Variants in GALNT9 observed in about 807,000 individuals in gnomAD.
GALNT9 encodes polypeptide N-acetylgalactosaminyltransferase 9.
In GALNT9, 47 loss-of-function variants were observed where a neutral mutation model predicts 63.1. The ratio of observed to expected loss-of-function variants is 0.75; its 90% CI spans 0.59 to 0.95. GALNT9 has a LOEUF of 0.95. GALNT9 is among the 40% of genes least tolerant of loss of function. The pLI is 0.00. For missense variants in GALNT9, 829 were observed against 874.8 expected (o/e 0.95, Z 0.66); for synonymous variants, 396 against 365.7 (o/e 1.08, Z -0.94).
chr12:132,263,217 AT>A (rs1207124074), intron 2 of GALNT9, among the ~76,000 whole-genome samples: 4 of 152,194 alleles, frequency 2.6e-5, no homozygotes, highest in Non-Finnish European at 5.9e-5. Context: ...TCTGGTGAGA[AT>A]TTCAAAGGGA....
intron 6 of GALNT9, among the ~76,000 whole-genome samples, chr12:132,226,151 A>G (rs1331423602): frequency 1.4e-5 from 2 of 138,620 alleles, no homozygotes; most frequent in Non-Finnish European, 3.1e-5. Flanking sequence ...CACACCCCAC[A>G]CATACACCCC....
intron 9 of GALNT9, among the ~76,000 whole-genome samples, 162 bp from the exon 10 acceptor site, chr12:132,198,121 C>T (rs941173761): frequency 2.6e-5 from 4 of 152,228 alleles, no homozygotes; most frequent in Admixed American, 1.3e-4. Context: ...AGAGGACCGC[C>T]GGGCAGGGCC....
At chr12:132,264,264 G>A (rs1210296187) in intron 2 of GALNT9, among the ~76,000 whole-genome samples, 1 of 152,210 alleles carries the variant, frequency 6.6e-6, no homozygotes, top group Non-Finnish European at 1.5e-5. Flanking sequence ...CCCCCGGGAC[G>A]CTGGCCACGC....
At chr12:132,220,381 G>A (rs930360523) in intron 6 of GALNT9, among the ~76,000 whole-genome samples, 4 of 152,154 alleles carry the variant, frequency 2.6e-5, no homozygotes, top group Admixed American at 1.3e-4. Context: ...GTCTTAGGAC[G>A]ACTGTTAGAA....
intron 5 of GALNT9, among the ~76,000 whole-genome samples, chr12:132,255,415 G>T (rs1379115729): frequency 6.6e-6 from 1 of 152,150 alleles, no homozygotes; most frequent in African/African-American, 2.4e-5. Context: ...TCTTTTGGAG[G>T]TCTTTTCTGA....
At chr12:132,267,072 C>T (rs756105400) in intron 2 of GALNT9, among the ~76,000 whole-genome samples, 4 of 152,182 alleles carry the variant, frequency 2.6e-5, no homozygotes, top group Non-Finnish European at 5.9e-5. Flanking sequence ...CCCCGAGGAG[C>T]AGTGAGGAGG....
chr12:132,263,107 C>T (rs57795405), intron 2 of GALNT9, among the ~76,000 whole-genome samples: 10,593 of 152,100 alleles, frequency 0.07, 1,225 homozygotes, highest in African/African-American at 0.24. Flanking sequence ...ACGTTGGGGA[C>T]GGCGCTGCTG....
chr12:132,296,017 CG>C lies in GALNT9; in HGVS notation c.239-9588del, dbSNP rs1310803359. 7.0e-6 allele frequency among the ~76,000 whole-genome samples: 1 copy of C among 143,028 alleles called. No homozygotes were observed. The highest frequency in any genetic ancestry group is 1.5e-5 in the Non-Finnish European group (1 of 67,338). The allele number at this position is 143,028 out of a possible 152,430, so 93.8% of individuals were successfully genotyped here. ...CGGCCTCCGGAACAGGGAGAGCCTCCGGAACAGGGAGAGCCTCCAGAACAGG... is the reference window on the plus strand; with the variant it reads ...CGGCCTCCGGAACAGGGAGAGCCTCCGAACAGGGAGAGCCTCCAGAACAGG... On this transcript the variant is annotated intron_variant, in intron 1 of 10. Transcript: ENST00000328957. This position sits in a 1 kb window ranked among gnomAD's most constrained non-coding sequence, Gnocchi z 4.2.
intron 1 of GALNT9, among the ~76,000 whole-genome samples, chr12:132,300,653 A>T (rs1555243759): frequency 4.9e-5 from 7 of 142,910 alleles, no homozygotes; most frequent in Admixed American, 6.9e-5. Context: ...CACCTAACCC[A>T]CCCCTGAGAT....
intron 5 of GALNT9, among the ~76,000 whole-genome samples, chr12:132,253,790 G>T (rs1879012171): frequency 1.3e-5 from 2 of 152,184 alleles, no homozygotes; most frequent in Admixed American, 1.3e-4. Flanking sequence ...TCCCCAAAGA[G>T]ATCACGGAAA....
intron 1 of GALNT9, among the ~76,000 whole-genome samples, chr12:132,306,217 T>C (rs1881607687): frequency 6.6e-6 from 1 of 152,132 alleles, no homozygotes; most frequent in Non-Finnish European, 1.5e-5. Context: ...CTGCGGAGTG[T>C]GAGGGCGCCG....
In GALNT9 at chr12:132,247,895, C is replaced by A. The variant is rs548479701; in HGVS notation, c.1077+15G>T. 1 of 1,551,070 alleles carries A rather than the reference C, an allele frequency of 6.4e-7. No homozygotes were observed. The highest frequency in any genetic ancestry group is 8.7e-7 in the Non-Finnish European group (1 of 1,146,868). The stretch of plus-strand genomic sequence containing the variant: ...TCGCCCTCACCCTGTCCCTGGACAC[C>A]GGGGCCGCACTCACCCTCATGCCCA... On this transcript the variant is annotated intron_variant, in intron 6 of 10. Coordinates refer to ENST00000328957, the MANE Select transcript of GALNT9 (RefSeq NM_001122636.2).
At chr12:132,254,694 A>T (rs1275080081) in intron 5 of GALNT9, among the ~76,000 whole-genome samples, 1 of 152,242 alleles carries the variant, frequency 6.6e-6, no homozygotes, top group Non-Finnish European at 1.5e-5. Flanking sequence ...GGCTAGTGTC[A>T]CTTGTTGAAC....
At chr12:132,206,940 C>T (rs1876733061) in intron 6 of GALNT9, among the ~76,000 whole-genome samples, 1 of 152,192 alleles carries the variant, frequency 6.6e-6, no homozygotes, top group East Asian at 1.9e-4. Context: ...TGGTGCATGC[C>T]TGCGGTCCCA....
intron 6 of GALNT9, among the ~76,000 whole-genome samples, chr12:132,209,367 A>AAAATAAAT (rs552671564): frequency 1.5e-4 from 21 of 143,086 alleles, no homozygotes; most frequent in African/African-American, 6.4e-4. Flanking sequence ...TTTACTAAAA[A>AAAATAAAT]AAATAAATAA....
chr12:132,286,076 AGCGTGGGGGGCGGTCACTTCCCCGGCGG>A lies in GALNT9; in HGVS notation c.419+146_419+173del, dbSNP rs1365470501. Among the ~76,000 whole-genome samples, 921 of 150,102 alleles carry A rather than the reference AGCGTGGGGGGCGGTCACTTCCCCGGCGG, an allele frequency of 6.1e-3. 2 individuals carry two copies. The highest frequency in any genetic ancestry group is 0.012 in the South Asian group (55 of 4,676). ...CGGGGGAGCGCTCACTTTCCCGGCCAGCGTGGGGGGCGGTCACTTCCCCGGCGGGCGTGGGGGGCGGTCACTTCCCTGG... is the reference window on the plus strand; with the variant it reads ...CGGGGGAGCGCTCACTTTCCCGGCCAGCGTGGGGGGCGGTCACTTCCCTGG... On this transcript the variant is annotated intron_variant, in intron 2 of 10. Transcript: ENST00000328957. The surrounding 1 kb of genome is among the most constrained non-coding windows in gnomAD (Gnocchi z 7.4).
chr12:132,257,979 C>T (rs1160679486), intron 4 of GALNT9, 93 bp from the exon 5 acceptor site: 1 of 859,908 alleles, frequency 1.2e-6, no homozygotes, highest in Non-Finnish European at 1.8e-6. Flanking sequence ...GGCCAGTCCC[C>T]ACCTGGTCTG....
At chr12:132,202,957 C>T (rs900070705) in intron 7 of GALNT9, among the ~76,000 whole-genome samples, 1 of 152,140 alleles carries the variant, frequency 6.6e-6, no homozygotes, top group South Asian at 2.1e-4. Context: ...CAACCAAAAA[C>T]GTCCATCCAC....
intron 6 of GALNT9, among the ~76,000 whole-genome samples, chr12:132,221,828 C>T (rs913651097): frequency 2.6e-5 from 4 of 152,036 alleles, no homozygotes; most frequent in Non-Finnish European, 4.4e-5. Context: ...TGGGTGACAT[C>T]GGGTAAATGC....
Sources: gnomAD v4.1 joint callset for allele counts (sites outside exome capture counted in the v4.1 genomes callset) on GRCh38, gnomAD v4.1.1 for gene constraint, Gnocchi (gnomAD v3.1) non-coding constraint, MANE v1.5 for transcripts, NCBI Gene and HGNC (gene_info 2026-07-23, HGNC 2026-07-21) for gene names.